IFRD1: variants seen among roughly 807,000 people sequenced by gnomAD.
The protein encoded by IFRD1 is interferon related developmental regulator 1.
A neutral mutation model predicts 52.9 loss-of-function variants in IFRD1; 35 were observed. That is an observed-to-expected ratio of 0.66 (90% CI 0.51 to 0.88). The LOEUF (loss-of-function observed/expected upper bound fraction) is 0.88. IFRD1 is among the 40% of genes least tolerant of loss of function. The probability of loss-of-function intolerance (pLI) is 0.00; values close to 1 mark genes in which losing one functional copy is unlikely to be tolerated. For missense variants in IFRD1, 517 were observed against 550.8 expected (o/e 0.94, Z 0.61); for synonymous variants, 184 against 188.4 (o/e 0.98, Z 0.19).
chr7:112,470,612 G>A (rs1795721952), intron 9 of IFRD1, among the ~76,000 whole-genome samples: 1 of 152,172 alleles, frequency 6.6e-6, no homozygotes, highest in African/African-American at 2.4e-5. Context: ...GTGGAGAAAG[G>A]AGCATCTGAA....
chr7:112,455,903 A>G (rs1795279890), intron 2 of IFRD1, 36 bp downstream of exon 2: 2 of 1,516,544 alleles, frequency 1.3e-6, no homozygotes, highest in Non-Finnish European at 1.8e-6. Flanking sequence ...AACTTTAGAT[A>G]AAATGTTTCA....
At chr7:112,448,616 G>A (rs1306929930), upstream of IFRD1, among the ~76,000 whole-genome samples, 2 of 152,200 alleles carry the variant, frequency 1.3e-5, no homozygotes, top group East Asian at 1.9e-4. Flanking sequence ...TGGTTTCTGT[G>A]CTCTGTGCAG....
At position 112,444,682 on chromosome 7, in the gene IFRD1, TA is replaced by T. The variant is rs1437094209; in HGVS notation, c.-181-5818del. ...ACTGATACTAGGGGTGAAGAGACTC[TA>T]AAAAAAAGGGGAACAAGGCAAAATT... is the stretch of plus-strand genomic sequence containing the variant. On this transcript the variant is annotated intron_variant, in intron 1 of 12. Transcript: ENST00000005558. Among the ~76,000 whole-genome samples the T allele has an allele frequency of 3.3e-5, 5 of 151,880 alleles. No individual in the cohort carries two copies. In the East Asian group the frequency reaches 5.8e-4, roughly 18 times the overall value.
intron 2 of IFRD1, 65 bp from the exon 3 acceptor site, chr7:112,455,937 A>G: frequency 6.9e-7 from 1 of 1,441,568 alleles, no homozygotes; most frequent in Non-Finnish European, 9.8e-7. Context: ...TTGTAGCTAA[A>G]GTATACTATT....
At chr7:112,474,578 AT>A (rs1466504843) in intron 11 of IFRD1, among the ~76,000 whole-genome samples, 3 of 152,010 alleles carry the variant, frequency 2.0e-5, no homozygotes, top group African/African-American at 4.8e-5. Context: ...CTTTTGAATA[AT>A]TTTTTTGAAG....
intron 4 of IFRD1, 80 bp from the exon 5 acceptor site, chr7:112,458,779 TGA>T: frequency 7.8e-7 from 1 of 1,289,990 alleles, no homozygotes; most frequent in Middle Eastern, 1.8e-4. Context: ...ATTTTGTCAT[TGA>T]TCAAATTTGG....
At chr7:112,426,072 G>A (rs991552142) in intron 1 of IFRD1, among the ~76,000 whole-genome samples, 1 of 152,076 alleles carries the variant, frequency 6.6e-6, no homozygotes, top group Non-Finnish European at 1.5e-5. Context: ...TTTCAGCCAG[G>A]TGTGGTGGTT....
Position 112,450,666 on chromosome 7 carries a change from T to C in IFRD1, c.-23T>C, listed in dbSNP as rs546035152. On this transcript the variant is annotated 5_prime_UTR_variant, in exon 1 of 12. Transcript: ENST00000403825. The stretch of plus-strand genomic sequence containing the variant: ...GCTGATCCTCGCTAAGCTCCGACTC[T>C]GGGCGGCACCGGGCGTCCCACGATG... 7.1e-5 allele frequency: 114 copies of C among 1,596,236 alleles called. 2 individuals carry two copies. In the South Asian group the frequency reaches 1.2e-3, roughly 17 times the overall value.
At chr7:112,473,663 G>C (rs1006603479) in intron 11 of IFRD1, among the ~76,000 whole-genome samples, 3 of 152,076 alleles carry the variant, frequency 2.0e-5, no homozygotes, top group Admixed American at 2.0e-4. Context: ...GACCTCAGGT[G>C]ATCCACCCAC....
intron 8 of IFRD1, among the ~76,000 whole-genome samples, chr7:112,465,798 C>T (rs972934608): frequency 2.6e-5 from 4 of 152,020 alleles, no homozygotes; most frequent in Non-Finnish European, 4.4e-5. Context: ...ATTAAACTGC[C>T]TCGTATGGTT....
intron 1 of IFRD1, among the ~76,000 whole-genome samples, chr7:112,425,768 A>G (rs1794415253): frequency 6.6e-6 from 1 of 152,118 alleles, no homozygotes; most frequent in Non-Finnish European, 1.5e-5. Context: ...GAGAACCCTG[A>G]CTAATACACT....
chr7:112,460,714 C>T lies in IFRD1; in HGVS notation c.568-1152C>T, dbSNP rs1002480137. ...AATTTTTACTAGGATGATATAATGA[C>T]AATAAAATAGTGATACCAAGCAGAT... On this transcript the variant is annotated intron_variant, in intron 5 of 11. Coordinates refer to ENST00000403825, the MANE Select transcript of IFRD1 (RefSeq NM_001550.4). Among the ~76,000 whole-genome samples, 14 of 152,106 alleles carry T rather than the reference C, an allele frequency of 9.2e-5. No homozygotes were observed. The East Asian group carries it at 2.5e-3, about 27-fold the overall frequency.
upstream of IFRD1, among the ~76,000 whole-genome samples, chr7:112,449,599 A>G (rs1162234518): frequency 6.6e-6 from 1 of 152,180 alleles, no homozygotes; most frequent in Non-Finnish European, 1.5e-5. Flanking sequence ...AACAAGGAAG[A>G]CAGAGATCTA....
chr7:112,441,710 A>G (rs1441245056), intron 1 of IFRD1, among the ~76,000 whole-genome samples: 1 of 152,176 alleles, frequency 6.6e-6, no homozygotes, highest in Non-Finnish European at 1.5e-5. Flanking sequence ...TCTCAGTTCT[A>G]ATTCTGAATT....
At chr7:112,447,737 AT>A (rs1795062341), upstream of IFRD1, among the ~76,000 whole-genome samples, 4 of 152,232 alleles carry the variant, frequency 2.6e-5, no homozygotes. Flanking sequence ...GCAAAATAGT[AT>A]GTGGAGCTGA....
chr7:112,451,816 C>G (rs11973377), intron 1 of IFRD1, among the ~76,000 whole-genome samples: 4,431 of 152,230 alleles, frequency 0.029, 224 homozygotes, highest in African/African-American at 0.099. Flanking sequence ...CGTTATCACA[C>G]TGGAACTATT....
chr7:112,445,065 T>A (rs1276819742), intron 1 of IFRD1, among the ~76,000 whole-genome samples: 1 of 139,424 alleles, frequency 7.2e-6, no homozygotes, highest in Non-Finnish European at 1.5e-5. Flanking sequence ...AGGCTTTCTT[T>A]TTTTTTTTTT....
At chr7:112,457,358 C>T (rs1384566334) in intron 4 of IFRD1, 5 of 480,560 alleles carry the variant, frequency 1.0e-5, no homozygotes, top group South Asian at 3.1e-5. Context: ...ACATCTAGCT[C>T]ATTTTCCCTT....
intron 1 of IFRD1, among the ~76,000 whole-genome samples, chr7:112,455,199 G>A (rs117210448): frequency 0.052 from 7,909 of 151,994 alleles, 263 homozygotes; most frequent in South Asian, 0.1. Context: ...AAATGAGTGC[G>A]TCGGCTGGGC....
Sources: allele counts gnomAD v4.1 joint callset (sites outside exome capture counted in the v4.1 genomes callset), GRCh38; gene constraint gnomAD v4.1.1; transcripts MANE v1.5; gene names NCBI Gene and HGNC (gene_info 2026-07-23, HGNC 2026-07-21).